Variants in LRCH3 observed in about 807,000 individuals in gnomAD.
LRCH3 encodes DISP complex protein LRCH3.
Under a neutral mutation model 104.5 loss-of-function variants are expected in LRCH3, and 68 were observed. The ratio of observed to expected loss-of-function variants is 0.65; its 90% confidence interval spans 0.54 to 0.80. The LOEUF is 0.80. LRCH3 is among the 30% of genes least tolerant of loss of function. LRCH3 has a pLI of 0.00. For synonymous variants in LRCH3, 344 were observed against 361.3 expected (o/e 0.95, Z 0.54); for missense variants, 951 against 953.9 (o/e 1.00, Z 0.04).
At chr3:197,808,566 A>AT (rs2109147398) in intron 1 of LRCH3, among the ~76,000 whole-genome samples, 1 of 152,190 alleles carries the variant, frequency 6.6e-6, no homozygotes, top group African/African-American at 2.4e-5. Flanking sequence ...CCTGAAGGAC[A>AT]TTTTGCTGGA....
chr3:197,818,505 A>C (rs1734112254), intron 3 of LRCH3, among the ~76,000 whole-genome samples: 1 of 152,188 alleles, frequency 6.6e-6, no homozygotes, highest in South Asian at 2.1e-4. Context: ...TAGATTATGA[A>C]TATAAGAGGT....
chr3:197,807,038 CA>C (rs56019320), intron 1 of LRCH3, among the ~76,000 whole-genome samples: 117,177 of 143,860 alleles, frequency 0.81, 47,759 homozygotes, highest in East Asian at 0.94. Context: ...GACCCTGTGT[CA>C]AAAAAAAAAA....
At chr3:197,860,479 A>G (rs1580843359) in intron 15 of LRCH3, among the ~76,000 whole-genome samples, 2 of 152,276 alleles carry the variant, frequency 1.3e-5, no homozygotes, top group Non-Finnish European at 2.9e-5. Flanking sequence ...GAGGGGGAAT[A>G]CAATTGAGGC....
At chr3:197,859,153 T>C (rs1477080594) in intron 15 of LRCH3, 1 of 468,376 alleles carries the variant, frequency 2.1e-6, no homozygotes, top group South Asian at 2.6e-5. Flanking sequence ...CTGATTTTTT[T>C]ATCAAAGGTG....
chr3:197,813,691 C>T lies in LRCH3; in HGVS notation c.263-1217C>T, dbSNP rs191871597. On this transcript the variant is annotated intron_variant, in intron 1 of 20. Coordinates refer to ENST00000425562, the MANE Select transcript of LRCH3 (RefSeq NM_001365715.1). ...GATTACAGGTGTGTGCCACCATGCC[C>T]GGCTAACTTTTGTATTTTTAGTAGA... 2.5e-3 allele frequency among the ~76,000 whole-genome samples: 374 copies of T among 151,624 alleles called. 2 individuals carry two copies. The highest frequency in any genetic ancestry group is 8.1e-3 in the African/African-American group (335 of 41,386).
rs1452649186 is a variant in LRCH3, at chr3:197,886,207, TG to T, written c.*2543del. ...AAAAAAAAAAAAAAAAAACCAGGTGTGGTGGCACCTGCCTGTACTCCCAGCT... is the reference window on the plus strand; with the variant it reads ...AAAAAAAAAAAAAAAAAACCAGGTGTGTGGCACCTGCCTGTACTCCCAGCT... On this transcript the variant is annotated 3_prime_UTR_variant, in exon 21 of 21. Coordinates refer to ENST00000425562, the MANE Select transcript of LRCH3 (RefSeq NM_001365715.1). 6.9e-5 allele frequency: 10 copies of T among 145,000 alleles called. No individual in the cohort carries two copies. The highest frequency in any genetic ancestry group is 2.5e-4 in the African/African-American group (10 of 39,218). The allele number at this position is 145,000 out of a possible 1,614,324, so 9.0% of individuals were successfully genotyped here.
At chr3:197,879,502 C>T (rs112960228) in intron 20 of LRCH3, among the ~76,000 whole-genome samples, 3,745 of 146,888 alleles carry the variant, frequency 0.025, 220 homozygotes, top group African/African-American at 0.086. Context: ...AAAAATTAGC[C>T]GGGCGTGGTG....
chr3:197,831,033 T>A (rs935909304), intron 7 of LRCH3, 170 bp downstream of exon 7: 6 of 534,388 alleles, frequency 1.1e-5, no homozygotes, highest in Non-Finnish European at 2.0e-5. Flanking sequence ...TTCTGCGTCC[T>A]TACCGGCTTT....
chr3:197,849,345 A>C (rs988938989), intron 12 of LRCH3, among the ~76,000 whole-genome samples: 1 of 151,152 alleles, frequency 6.6e-6, no homozygotes, highest in African/African-American at 2.4e-5. Context: ...TATTCCTACA[A>C]GCAGAAGTTC....
chr3:197,859,766 A>G (rs1194208091), intron 15 of LRCH3, among the ~76,000 whole-genome samples: 2 of 151,746 alleles, frequency 1.3e-5, no homozygotes, highest in African/African-American at 4.9e-5. Flanking sequence ...TTTTTAATGT[A>G]AGAATCCTTT....
Position 197,883,081 on chromosome 3 carries a change from T to C in LRCH3, c.2209-460T>C, listed in dbSNP as rs1382709745. 5.1e-6 allele frequency: 5 copies of C among 985,950 alleles called. No individual in the cohort carries two copies. Among genetic ancestry groups the C allele is most frequent in the South Asian group, 4.7e-5 (1 of 21,322 alleles). The allele number at this position is 985,950 out of a possible 1,614,324, so 61.1% of individuals were successfully genotyped here. On this transcript the variant is annotated intron_variant, in intron 20 of 20. Transcript: ENST00000425562. This position sits in a 1 kb window ranked among gnomAD's most constrained non-coding sequence, Gnocchi z 4.2. ...CGTAGAACTCATGCAGGCTGAGTTA[T>C]GTTTTCAAACTATCTTTCATTCTTG...
At chr3:197,870,847 T>G (rs1712089187) in intron 18 of LRCH3, among the ~76,000 whole-genome samples, 1 of 152,266 alleles carries the variant, frequency 6.6e-6, no homozygotes, top group African/African-American at 2.4e-5. Context: ...ATTTTGCTAT[T>G]AAGGAAATTC....
chr3:197,832,383 C>T, intron 8 of LRCH3, 66 bp downstream of exon 8: 2 of 1,544,732 alleles, frequency 1.3e-6, no homozygotes, highest in Non-Finnish European at 1.8e-6. Flanking sequence ...TTGTCTTTTT[C>T]ATACCCACTC....
At chr3:197,813,772 C>A (rs1027027926) in intron 1 of LRCH3, among the ~76,000 whole-genome samples, 3 of 151,808 alleles carry the variant, frequency 2.0e-5, no homozygotes, top group Middle Eastern at 3.2e-3. Flanking sequence ...CTCAAGTGAT[C>A]CACCCGCCTC....
intron 4 of LRCH3, among the ~76,000 whole-genome samples, chr3:197,820,881 T>C (rs1734422859): frequency 6.6e-6 from 1 of 152,042 alleles, no homozygotes; most frequent in East Asian, 1.9e-4. Context: ...TGAGAGAGTA[T>C]GTGTGTGTTA....
In LRCH3 at chr3:197,870,214, C is replaced by A; in HGVS notation, c.1928C>A (p.Ser643Tyr). Residue 643 changes from serine to tyrosine, a missense_variant, in exon 18 of 21, where the codon TCC becomes TAC. By Grantham distance (144) the Ser-to-Tyr change is moderately radical. Transcript: ENST00000425562. ...SAAPTTDSTD[S>Y]ITGQNSRQRE... is the part of the protein sequence containing the mutation. Reference sequence around the variant, plus strand: ...GCACCTACCACTGATTCTACAGATTCCATAACAGGACAGAATTCAAGACAG... The same window carrying A: ...GCACCTACCACTGATTCTACAGATTACATAACAGGACAGAATTCAAGACAG... 2 of 1,612,924 alleles carry A rather than the reference C, an allele frequency of 1.2e-6. No homozygotes were observed. The highest frequency in any genetic ancestry group is 1.1e-5 in the South Asian group (1 of 91,052).
chr3:197,791,669 G>A, intron 1 of LRCH3, 129 bp downstream of exon 1: 1 of 1,096,574 alleles, frequency 9.1e-7, no homozygotes, highest in Non-Finnish European at 1.2e-6. Context: ...CCCGGGTAAC[G>A]GGGAGAAGCC....
chr3:197,835,497 TA>T (rs79382131), intron 8 of LRCH3, among the ~76,000 whole-genome samples, 176 bp from the exon 9 acceptor site: 94,983 of 135,044 alleles, frequency 0.7, 33,675 homozygotes, highest in East Asian at 0.92. Flanking sequence ...ATAAAATGGG[TA>T]AAAAAAAAAA....
At chr3:197,879,190 A>AT (rs1713258250) in intron 20 of LRCH3, among the ~76,000 whole-genome samples, 1 of 151,640 alleles carries the variant, frequency 6.6e-6, no homozygotes, top group Admixed American at 6.6e-5. Context: ...CAGAGTCGTT[A>AT]TGTTATGTGT....
Sources: allele counts gnomAD v4.1 joint callset (sites outside exome capture counted in the v4.1 genomes callset), GRCh38; gene constraint gnomAD v4.1.1; non-coding constraint Gnocchi (gnomAD v3.1); transcripts MANE v1.5; gene names NCBI Gene and HGNC (gene_info 2026-07-23, HGNC 2026-07-21).